FAM13A: variants seen among roughly 807,000 people sequenced by gnomAD.
FAM13A encodes family with sequence similarity 13 member A.
In FAM13A, 76 loss-of-function variants were observed where a neutral mutation model predicts 129.6. That is an observed-to-expected ratio of 0.59 (90% CI 0.49 to 0.71). The LOEUF is 0.71. FAM13A is among the 30% of genes least tolerant of loss of function. The pLI is 0.00. For synonymous variants in FAM13A, 443 were observed against 449.9 expected (o/e 0.98, Z 0.20); for missense variants, 1,108 against 1,249.3 (o/e 0.89, Z 1.70).
At position 88,819,941 on chromosome 4, in the gene FAM13A, A is replaced by T. The variant is rs188195042; in HGVS notation, c.1008-14889T>A. Among the ~76,000 whole-genome samples the T allele has an allele frequency of 2.7e-3, 408 of 152,334 alleles. 1 individual carries two copies. The highest frequency in any genetic ancestry group is 9.4e-3 in the African/African-American group (392 of 41,578). ...CTTTACAGAAGGTTGTAATTTAAAC[A>T]TTCAGCCTCTGCCATGTTTTTTCTA... On this transcript the variant is annotated intron_variant, in intron 7 of 23. Transcript: ENST00000264344.
Position 88,848,220 on chromosome 4 carries a change from C to G in FAM13A, c.1007+2800G>C, listed in dbSNP as rs115687358. Among the ~76,000 whole-genome samples the G allele has an allele frequency of 4.3e-3, 656 of 152,236 alleles. 5 individuals carry two copies. Among genetic ancestry groups the G allele is most frequent in the Non-Finnish European group, 5.7e-3 (391 of 68,012 alleles). On this transcript the variant is annotated intron_variant, in intron 7 of 23. Transcript: ENST00000264344. ...CTCTCTCCACCATGCAGAAGGTGTC[C>G]TGCCTAGCACTGTTTGTTCACATAA...
At chr4:88,870,524 T>C (rs1234989567) in intron 6 of FAM13A, among the ~76,000 whole-genome samples, 1 of 152,202 alleles carries the variant, frequency 6.6e-6, no homozygotes, top group Non-Finnish European at 1.5e-5. Context: ...CACAGAGCCT[T>C]GCTCATTGCT....
chr4:89,025,257 T>G lies in FAM13A; in HGVS notation c.217+4203A>C, dbSNP rs944785660. ...CCATGGAATCATTGTTTTTTTTTTT[T>G]TTTTTTTTTTTTTTTTTTGAGACGG... On this transcript the variant is annotated intron_variant, in intron 2 of 23. Transcript: ENST00000264344. Among the ~76,000 whole-genome samples, 3 of 117,638 alleles carry G rather than the reference T, an allele frequency of 2.6e-5. No homozygotes were observed. In the East Asian group the frequency reaches 6.8e-4, roughly 27 times the overall value. The allele number at this position is 117,638 out of a possible 152,430, so 77.2% of individuals were successfully genotyped here. A position where few individuals can be genotyped will look rare whatever the true frequency, so the allele number is the denominator to read the frequency against.
At chr4:89,030,323 C>G (rs530905990) in intron 1 of FAM13A, among the ~76,000 whole-genome samples, 1 of 151,976 alleles carries the variant, frequency 6.6e-6, no homozygotes, top group Non-Finnish European at 1.5e-5. Context: ...ATTCAATTAC[C>G]TCAAGTTAAT....
Position 88,938,256 on chromosome 4 carries a change from G to T in FAM13A, c.606-15C>A. Reference sequence around the variant, plus strand: ...CAGGTGGCACACTAGAAACAAGAAAGGGAAAGAGAGGAATTACTTAGTAAA... The same window carrying T: ...CAGGTGGCACACTAGAAACAAGAAATGGAAAGAGAGGAATTACTTAGTAAA... On this transcript the variant is annotated splice_polypyrimidine_tract_variant and intron_variant, in intron 4 of 23. Transcript: ENST00000264344. 6.3e-7 allele frequency: 1 copy of T among 1,588,304 alleles called. No homozygotes were observed. Among genetic ancestry groups the T allele is most frequent in the South Asian group, 1.2e-5 (1 of 86,222 alleles).
rs369450831 is a variant in FAM13A, at chr4:88,881,045, G to A, written c.843+25334C>T. On this transcript the variant is annotated intron_variant, in intron 6 of 23. Transcript: ENST00000264344. ...CTGATGGTCTTTCTCCACCAGCCCT[G>A]GTAGCTGAAGACAATGGACATAATT... Among the ~76,000 whole-genome samples the A allele has an allele frequency of 1.9e-4, 29 of 152,284 alleles. 2 individuals carry two copies. The highest frequency in any genetic ancestry group is 7.0e-4 in the African/African-American group (29 of 41,556).
At chr4:88,735,865 TTAAGC>T (rs1372462886) in intron 21 of FAM13A, among the ~76,000 whole-genome samples, 1 of 152,084 alleles carries the variant, frequency 6.6e-6, no homozygotes, top group Admixed American at 6.6e-5. Flanking sequence ...TGAAAAAAAA[TTAAGC>T]TAAAGGATAA....
intron 21 of FAM13A, among the ~76,000 whole-genome samples, chr4:88,736,972 A>G (rs1317355217): frequency 6.6e-6 from 1 of 152,212 alleles, no homozygotes; most frequent in African/African-American, 2.4e-5. Context: ...AAAGACTACT[A>G]AGATATTTGT....
At chr4:88,850,361 C>A (rs1312768398) in intron 7 of FAM13A, among the ~76,000 whole-genome samples, 7 of 151,794 alleles carry the variant, frequency 4.6e-5, no homozygotes, top group Non-Finnish European at 1.0e-4. Context: ...TCAAGACCAG[C>A]CTGACCAACA....
At chr4:89,042,375 T>C (rs1336929596) in intron 1 of FAM13A, among the ~76,000 whole-genome samples, 2 of 152,166 alleles carry the variant, frequency 1.3e-5, no homozygotes, top group East Asian at 3.9e-4. Context: ...TAGTGCTCTG[T>C]CAGAAAGTCA....
In FAM13A at chr4:88,734,784, G is replaced by T. The variant is rs76394785; in HGVS notation, c.2647-2586C>A. 8.3e-4 allele frequency among the ~76,000 whole-genome samples: 127 copies of T among 152,330 alleles called. 1 individual carries two copies. The East Asian group carries it at 0.016, about 20-fold the overall frequency. Reference sequence around the variant, plus strand: ...GGCAGTGCTGCACAACAGTTACCCAGCCCCAAAGGTCAGCAGTGCTGAGGC... The same window carrying T: ...GGCAGTGCTGCACAACAGTTACCCATCCCCAAAGGTCAGCAGTGCTGAGGC... On this transcript the variant is annotated intron_variant, in intron 21 of 23. Coordinates refer to ENST00000264344, the MANE Select transcript of FAM13A (RefSeq NM_014883.4).
chr4:88,967,378 TATTTA>T (rs1260516875), intron 4 of FAM13A, among the ~76,000 whole-genome samples: 2 of 152,224 alleles, frequency 1.3e-5, no homozygotes, highest in Admixed American at 1.3e-4. Context: ...TACACAATCT[TATTTA>T]ATTTTTTAAA....
At chr4:88,814,090 T>C (rs968546760) in intron 7 of FAM13A, among the ~76,000 whole-genome samples, 1 of 152,182 alleles carries the variant, frequency 6.6e-6, no homozygotes, top group Admixed American at 6.6e-5. Flanking sequence ...TTTACGTGCA[T>C]TATCTCATTC....
intron 4 of FAM13A, among the ~76,000 whole-genome samples, chr4:88,971,563 G>A (rs942712805): frequency 1.3e-5 from 2 of 152,172 alleles, no homozygotes; most frequent in African/African-American, 4.8e-5. Flanking sequence ...CTAGCATGCA[G>A]TGGCATGATC....
At chr4:88,993,099 G>A (rs1218373997) in intron 3 of FAM13A, among the ~76,000 whole-genome samples, 1 of 152,168 alleles carries the variant, frequency 6.6e-6, no homozygotes, top group Non-Finnish European at 1.5e-5. Flanking sequence ...TCATTTCTGG[G>A]GTGAGGAACC....
chr4:88,889,879 C>T (rs752483415), intron 6 of FAM13A, among the ~76,000 whole-genome samples: 17 of 152,150 alleles, frequency 1.1e-4, no homozygotes, highest in Middle Eastern at 3.4e-3. Context: ...GAACATAGCC[C>T]ATACTATAAT....
intron 16 of FAM13A, 135 bp downstream of exon 16, chr4:88,749,636 C>T: frequency 1.2e-6 from 1 of 800,126 alleles, no homozygotes; most frequent in South Asian, 1.8e-5. Context: ...GTGTACTATC[C>T]AGGGTTTACT....
chr4:88,779,409 G>A (rs770775653), intron 11 of FAM13A, among the ~76,000 whole-genome samples: 3 of 152,164 alleles, frequency 2.0e-5, no homozygotes, highest in Non-Finnish European at 2.9e-5. Flanking sequence ...ATTAGTCGTC[G>A]TTGTGTTCCC....
chr4:88,950,208 CTTT>C (rs11364634), intron 4 of FAM13A, among the ~76,000 whole-genome samples: 8 of 143,382 alleles, frequency 5.6e-5, no homozygotes, highest in African/African-American at 7.7e-5. Context: ...AAAAATCAGG[CTTT>C]TTTTTTTTTT....
Sources: allele counts gnomAD v4.1 joint callset (sites outside exome capture counted in the v4.1 genomes callset), GRCh38; gene constraint gnomAD v4.1.1; transcripts MANE v1.5; gene names NCBI Gene and HGNC (gene_info 2026-07-23, HGNC 2026-07-21).